The following LAMA1 variants were observed in gnomAD, a reference collection of about 807,000 sequenced individuals.
LAMA1 encodes laminin subunit alpha-1.
LAMA1 carries 219 observed loss-of-function variants against 348.7 expected under a neutral mutation model. The observed-to-expected ratio is 0.63, with a 90% confidence interval of 0.56 to 0.70. The LOEUF (loss-of-function observed/expected upper bound fraction) is 0.70, where lower values mean the gene tolerates loss of function less well. LAMA1 is among the 30% of genes least tolerant of loss of function. LAMA1 has a pLI of 0.00. For missense variants in LAMA1, 3,744 were observed against 3,888.0 expected, an observed-to-expected ratio of 0.96 and a Z score of 0.99; for synonymous variants, 1,487 against 1,491.0, an observed-to-expected ratio of 1.00 and a Z score of 0.06.
At chr18:7,041,757 T>A (rs2058021447) in intron 9 of LAMA1, among the ~76,000 whole-genome samples, 1 of 152,238 alleles carries the variant, frequency 6.6e-6, no homozygotes. Context: ...AACTGGGCCT[T>A]ATTTCTTCCT....
At chr18:7,036,280 A>G (rs767863969) in intron 12 of LAMA1, among the ~76,000 whole-genome samples, 192 bp from the exon 13 acceptor site, 1 of 152,242 alleles carries the variant, frequency 6.6e-6, no homozygotes, top group Non-Finnish European at 1.5e-5. Flanking sequence ...TGGTTAATCA[A>G]TATTACCAAC....
chr18:6,961,752 C>T lies in LAMA1; in HGVS notation c.7460G>A (p.Arg2487Gln), dbSNP rs180910009. The T allele has an allele frequency of 3.2e-5, 52 of 1,614,090 alleles. No homozygotes were observed. The highest frequency in any genetic ancestry group is 8.3e-5 in the Admixed American group (5 of 60,016). The part of the protein sequence containing the change: ...VRKGCLLEPI[R>Q]SVSFLKGGYI... ...GCCGCCTTTCAGGAAGCTAACACTC[C>T]GGATGGGCTGGACACAGAGGAGATG... The change falls in exon 53 of 63, where the codon CGG becomes CAG. Residue 2487 changes from arginine (R) to glutamine (Q), a missense_variant. Physicochemically the swap from Arg to Gln is conservative, Grantham distance 43. This residue lies in a region of LAMA1 where 1,983 missense variants were observed against 1,934.3 expected (regional missense o/e 1.03). Transcript: ENST00000389658.
chr18:7,101,530 T>C (rs1341580145), intron 1 of LAMA1, among the ~76,000 whole-genome samples: 3 of 152,236 alleles, frequency 2.0e-5, no homozygotes, highest in Non-Finnish European at 4.4e-5. Flanking sequence ...TAATGTGTAT[T>C]GCAGAAGTGC....
At chr18:6,956,798 A>G (rs1194312364) in intron 55 of LAMA1, 33 bp from the exon 56 acceptor site, 2 of 1,613,448 alleles carry the variant, frequency 1.2e-6, no homozygotes, top group Non-Finnish European at 1.7e-6. Context: ...TTTCAAAATT[A>G]GGATATCACA....
At position 7,044,668 on chromosome 18, in the gene LAMA1, TG is replaced by T. The variant is rs11360334; in HGVS notation, c.976+53del. 15,543 of 1,339,856 alleles carry T rather than the reference TG, an allele frequency of 0.012. 1,378 individuals are homozygous for T. The African/African-American group carries it at 0.19, about 16-fold the overall frequency. The allele number at this position is 1,339,856 out of a possible 1,614,324, so 83.0% of individuals were successfully genotyped here. A position where few individuals can be genotyped will look rare whatever the true frequency, so the allele number is the denominator to read the frequency against. The stretch of plus-strand genomic sequence containing the variant: ...AAAAGTTGTTAAGACACCATAAACT[TG>T]GGACGTATTAAGAGGAAAACTGTAC... On this transcript the variant is annotated intron_variant, in intron 7 of 62. Coordinates refer to ENST00000389658, the MANE Select transcript of LAMA1 (RefSeq NM_005559.4).
intron 36 of LAMA1, among the ~76,000 whole-genome samples, chr18:6,990,669 TC>T (rs2057754794): frequency 6.6e-6 from 1 of 152,150 alleles, no homozygotes; most frequent in Non-Finnish European, 1.5e-5. Context: ...GCTCCAGTGT[TC>T]CCTTGTTCAA....
chr18:6,972,168 A>G (rs901121531), intron 47 of LAMA1, 187 bp from the exon 48 acceptor site: 3 of 605,880 alleles, frequency 5.0e-6, no homozygotes, highest in Non-Finnish European at 8.8e-6. Flanking sequence ...GGAATCCTAG[A>G]ATGAGTAACA....
rs1366271517 is a variant in LAMA1 at position 7,011,348 on chromosome 18, A to G, written c.3639T>C (p.Arg1213=). The G allele has an allele frequency of 6.2e-7, 1 of 1,612,670 alleles. No homozygotes were observed. The highest frequency in any genetic ancestry group is 1.7e-5 in the Admixed American group (1 of 59,926). The part of the protein sequence containing the change: ...LDAATVRQHI[R]AEPFYWRLPQ... ...GCAGCCGCCAGTAAAACGGCTCTGC[A>G]CGGATGTGCTGCCGGACGGTGGCGG... is the stretch of plus-strand genomic sequence containing the variant. The change falls in exon 25 of 63, where the codon CGT becomes CGC. Residue 1213 remains arginine, a synonymous_variant. Transcript: ENST00000389658.
chr18:7,055,853 G>A (rs546383136), intron 3 of LAMA1, among the ~76,000 whole-genome samples: 44 of 151,908 alleles, frequency 2.9e-4, no homozygotes, highest in African/African-American at 7.2e-4. Context: ...AGGCCGAGGC[G>A]GGCGGATCAC....
chr18:7,041,208 G>A (rs1439003177), intron 9 of LAMA1, among the ~76,000 whole-genome samples: 6 of 151,704 alleles, frequency 4.0e-5, no homozygotes, highest in Non-Finnish European at 8.8e-5. Flanking sequence ...CACTATCTTT[G>A]CTTTTAATGT....
intron 44 of LAMA1, 45 bp downstream of exon 44, chr18:6,977,682 A>C: frequency 6.2e-7 from 1 of 1,612,138 alleles, no homozygotes; most frequent in Non-Finnish European, 8.5e-7. Context: ...GGGACCCCAC[A>C]TGACTGAGAG....
At chr18:6,945,411 A>AG (rs759267339) in intron 61 of LAMA1, among the ~76,000 whole-genome samples, 2 of 152,280 alleles carry the variant, frequency 1.3e-5, no homozygotes, top group African/African-American at 4.8e-5. Context: ...AGGATATCCT[A>AG]GGGGTCAAAA....
intron 57 of LAMA1, among the ~76,000 whole-genome samples, chr18:6,952,649 A>G (rs951631269): frequency 2.6e-5 from 4 of 152,244 alleles, no homozygotes; most frequent in Admixed American, 6.5e-5. Flanking sequence ...TAAATAATAC[A>G]TAAGTTTTAA....
chr18:7,117,600 G>C, intron 1 of LAMA1, 60 bp downstream of exon 1: 1 of 1,547,934 alleles, frequency 6.5e-7, no homozygotes, highest in Non-Finnish European at 8.7e-7. Flanking sequence ...CTTTGTCCGC[G>C]GCCGCCCCCG....
intron 3 of LAMA1, among the ~76,000 whole-genome samples, chr18:7,066,335 G>C (rs1236325781): frequency 6.6e-6 from 1 of 152,140 alleles, no homozygotes; most frequent in African/African-American, 2.4e-5. Context: ...GCACAATACA[G>C]AGGTAAGGTA....
At chr18:7,004,821 T>C (rs1227579763) in intron 29 of LAMA1, among the ~76,000 whole-genome samples, 2 of 152,038 alleles carry the variant, frequency 1.3e-5, no homozygotes, top group African/African-American at 4.8e-5. Flanking sequence ...ACAAAAGGAT[T>C]TGAAAAACTG....
At chr18:7,047,270 C>A (rs956957879) in intron 5 of LAMA1, among the ~76,000 whole-genome samples, 1 of 152,022 alleles carries the variant, frequency 6.6e-6, no homozygotes, top group Non-Finnish European at 1.5e-5. Flanking sequence ...GTCTTGATCT[C>A]CTGACCTCGT....
chr18:7,099,354 T>A (rs1442227949), intron 1 of LAMA1, among the ~76,000 whole-genome samples: 2 of 151,662 alleles, frequency 1.3e-5, no homozygotes, highest in African/African-American at 2.4e-5. Flanking sequence ...GTCCTCTGCC[T>A]AGGAAAACCA....
At chr18:7,004,004 A>G (rs1269139611) in intron 29 of LAMA1, among the ~76,000 whole-genome samples, 1 of 152,196 alleles carries the variant, frequency 6.6e-6, no homozygotes, top group Non-Finnish European at 1.5e-5. Flanking sequence ...AAACCTGACA[A>G]GGAATAAATA....
Sources: gnomAD v4.1 joint callset for allele counts (sites outside exome capture counted in the v4.1 genomes callset) on GRCh38, gnomAD v4.1.1 for gene constraint, gnomAD v4.1.1 regional missense constraint, MANE v1.5 for transcripts, NCBI Gene and HGNC (gene_info 2026-07-23, HGNC 2026-07-21) for gene names.